Variants in GPALPP1 observed in about 807,000 individuals in gnomAD.
GPALPP1 encodes GPALPP motifs-containing protein 1.
A neutral mutation model predicts 38.9 loss-of-function variants in GPALPP1; 30 were observed. The observed-to-expected ratio is 0.77, with a 90% CI of 0.58 to 1.05. The LOEUF (loss-of-function observed/expected upper bound fraction) is 1.05, where lower values mean the gene tolerates loss of function less well. GPALPP1 is among the 50% of genes least tolerant of loss of function. The probability of loss-of-function intolerance (pLI) is 0.00; values close to 1 mark genes in which losing one functional copy is unlikely to be tolerated. For missense variants in GPALPP1, 384 were observed against 408.8 expected, an observed-to-expected ratio of 0.94 and a Z score of 0.52; for synonymous variants, 120 against 139.2, an observed-to-expected ratio of 0.86 and a Z score of 0.97.
chr13:44,999,678 C>T (rs1303544293), intron 1 of GPALPP1, among the ~76,000 whole-genome samples: 2 of 152,190 alleles, frequency 1.3e-5, no homozygotes, highest in Non-Finnish European at 2.9e-5. Context: ...CTCCCGGGTT[C>T]AAGTGATTCT....
At chr13:45,007,001 C>G (rs1046609407) in intron 3 of GPALPP1, among the ~76,000 whole-genome samples, 7 of 151,632 alleles carry the variant, frequency 4.6e-5, no homozygotes, top group African/African-American at 1.7e-4. Flanking sequence ...GCAGAAAAGG[C>G]TTTTTATTTT....
chr13:44,998,090 G>T (rs758806497), intron 1 of GPALPP1, among the ~76,000 whole-genome samples: 5 of 152,182 alleles, frequency 3.3e-5, no homozygotes, highest in African/African-American at 1.2e-4. Flanking sequence ...CTACTTCATT[G>T]AACAAGTAGA....
At chr13:45,008,318 T>C (rs1406543474) in intron 3 of GPALPP1, among the ~76,000 whole-genome samples, 2 of 152,220 alleles carry the variant, frequency 1.3e-5, no homozygotes, top group African/African-American at 2.4e-5. Context: ...TGTCTGCACA[T>C]GCTATATATG....
chr13:44,990,980 C>T (rs1872753824), intron 1 of GPALPP1, among the ~76,000 whole-genome samples: 1 of 152,026 alleles, frequency 6.6e-6, no homozygotes. Context: ...ATCCCAGCTG[C>T]TCTGGAGGCT....
intron 2 of GPALPP1, chr13:45,005,278 T>C (rs949957088): frequency 5.3e-5 from 8 of 151,256 alleles, no homozygotes; most frequent in Admixed American, 1.3e-4. Flanking sequence ...TTTGGATTTT[T>C]TAGTAGAGAC....
At chr13:45,017,613 T>G (rs1281450845) in intron 6 of GPALPP1, among the ~76,000 whole-genome samples, 2 of 152,218 alleles carry the variant, frequency 1.3e-5, no homozygotes, top group South Asian at 2.1e-4. Context: ...TATATCCTGT[T>G]TCTCATTGGA....
At chr13:44,994,217 CAA>C (rs1165851530) in intron 1 of GPALPP1, among the ~76,000 whole-genome samples, 13 of 61,478 alleles carry the variant, frequency 2.1e-4, no homozygotes, top group African/African-American at 2.1e-4. Context: ...GACCCTGTCT[CAA>C]AAAAAAAAAA....
intron 4 of GPALPP1, among the ~76,000 whole-genome samples, chr13:45,013,539 T>C (rs1874624479): frequency 6.6e-6 from 1 of 152,236 alleles, no homozygotes; most frequent in Non-Finnish European, 1.5e-5. Flanking sequence ...AACATGTCCA[T>C]ACAATAGTTA....
At chr13:44,997,093 T>C (rs1240647296) in intron 1 of GPALPP1, among the ~76,000 whole-genome samples, 3 of 112,036 alleles carry the variant, frequency 2.7e-5, no homozygotes, top group African/African-American at 1.1e-4. Flanking sequence ...GTATTTGTCT[T>C]TTTTTTTTTT....
chr13:45,019,836 C>G lies in GPALPP1; in HGVS notation c.706-494C>G, dbSNP rs185545046. ...TCCTTGTTTTCAAGAAAATCACAGA[C>G]TAGAGCAGTAACTGATCTCTTATCA... On this transcript the variant is annotated intron_variant, in intron 6 of 7. Coordinates refer to ENST00000379151, the MANE Select transcript of GPALPP1 (RefSeq NM_018559.5). 3.6e-3 allele frequency among the ~76,000 whole-genome samples: 531 copies of G among 145,776 alleles called. 2 individuals are homozygous for G. The highest frequency in any genetic ancestry group is 0.013 in the African/African-American group (499 of 39,378).
intron 3 of GPALPP1, among the ~76,000 whole-genome samples, chr13:45,008,180 G>A (rs544159224): frequency 2.6e-5 from 4 of 152,248 alleles, no homozygotes; most frequent in East Asian, 1.9e-4. Context: ...TGGTTAGCAC[G>A]GTACCCTTTT....
At chr13:45,017,819 C>T (rs1874980621) in intron 6 of GPALPP1, among the ~76,000 whole-genome samples, 1 of 152,134 alleles carries the variant, frequency 6.6e-6, no homozygotes, top group Admixed American at 6.6e-5. Flanking sequence ...GCAGTGGACT[C>T]ATAAAGGGAT....
chr13:45,016,651 T>G (rs1245171274), intron 6 of GPALPP1, among the ~76,000 whole-genome samples: 1 of 152,164 alleles, frequency 6.6e-6, no homozygotes, highest in African/African-American at 2.4e-5. Flanking sequence ...TTTGGTTGTT[T>G]GTTTTTTAAG....
intron 2 of GPALPP1, 140 bp from the exon 3 acceptor site, chr13:45,006,062 C>T (rs1027214556): frequency 1.8e-6 from 1 of 553,396 alleles, no homozygotes; most frequent in African/African-American, 1.9e-5. Flanking sequence ...TCGTAGTATC[C>T]AGTTTTTATT....
intron 1 of GPALPP1, among the ~76,000 whole-genome samples, chr13:44,995,202 A>ACACACACACACACACACACACACC (rs755761092): frequency 1.8e-4 from 10 of 54,472 alleles, no homozygotes; most frequent in Admixed American, 4.0e-4. Context: ...ACACACACAC[A>ACACACACACACACACACACACACC]CCCCTTCTCT....
At chr13:45,036,687 G>GT (rs1259402637) in exon 8 of GPALPP1, 1 of 152,190 alleles carries the variant, frequency 6.6e-6, no homozygotes, top group African/African-American at 2.4e-5. Flanking sequence ...CCTCACATCT[G>GT]TAATCCCAGC....
chr13:45,009,229 G>C (rs980665450), intron 4 of GPALPP1, among the ~76,000 whole-genome samples: 6 of 152,144 alleles, frequency 3.9e-5, no homozygotes, highest in Admixed American at 2.0e-4. Flanking sequence ...AGGTTGAAGA[G>C]CTTTTTAACA....
At chr13:44,995,791 G>A (rs1314709507) in intron 1 of GPALPP1, among the ~76,000 whole-genome samples, 3 of 152,234 alleles carry the variant, frequency 2.0e-5, no homozygotes, top group Non-Finnish European at 2.9e-5. Flanking sequence ...TGATCTGGGT[G>A]AGGCCTGAGA....
chr13:45,004,678 C>T (rs1243290468), intron 2 of GPALPP1, among the ~76,000 whole-genome samples: 1 of 152,114 alleles, frequency 6.6e-6, no homozygotes. Flanking sequence ...GACAGGGGCT[C>T]ACTCTGGCGC....
Sources: allele counts gnomAD v4.1 joint callset (sites outside exome capture counted in the v4.1 genomes callset), GRCh38; gene constraint gnomAD v4.1.1; transcripts MANE v1.5; gene names NCBI Gene and HGNC (gene_info 2026-07-23, HGNC 2026-07-21).